Variants in THRB observed in about 807,000 individuals in gnomAD.
THRB encodes thyroid hormone receptor beta.
Under a neutral mutation model 47.8 loss-of-function variants are expected in THRB, and 12 were observed. The ratio of observed to expected loss-of-function variants is 0.25; its 90% CI spans 0.16 to 0.41. The LOEUF (loss-of-function observed/expected upper bound fraction) is 0.41. THRB is among the 10% of genes least tolerant of loss of function. THRB has a pLI of 1.00. For synonymous variants in THRB, 218 were observed against 212.2 expected (o/e 1.03, Z -0.24); for missense variants, 348 against 589.2 (o/e 0.59, Z 4.24).
chr3:24,175,030 C>T (rs1171450708), intron 5 of THRB, among the ~76,000 whole-genome samples: 2 of 152,270 alleles, frequency 1.3e-5, no homozygotes, highest in East Asian at 1.9e-4. Flanking sequence ...AGTGATTCTT[C>T]GTGGTTTGTC....
intron 5 of THRB, among the ~76,000 whole-genome samples, chr3:24,170,949 C>A (rs1332254992): frequency 6.6e-6 from 1 of 152,026 alleles, no homozygotes; most frequent in African/African-American, 2.4e-5. Context: ...TGTCTAAAAT[C>A]GATCCAGTTT....
At chr3:24,146,207 A>G (rs933298251) in intron 7 of THRB, among the ~76,000 whole-genome samples, 1 of 152,206 alleles carries the variant, frequency 6.6e-6, no homozygotes, top group Non-Finnish European at 1.5e-5. Flanking sequence ...CCAGCGCCCC[A>G]TCTCCAAAAA....
intron 2 of THRB, among the ~76,000 whole-genome samples, chr3:24,315,380 G>C (rs942314669): frequency 6.6e-6 from 1 of 152,204 alleles, no homozygotes; most frequent in African/African-American, 2.4e-5. Context: ...GGGACCCAAA[G>C]CCACGTCCTG....
At chr3:24,269,097 T>C (rs1452443134) in intron 3 of THRB, among the ~76,000 whole-genome samples, 1 of 152,162 alleles carries the variant, frequency 6.6e-6, no homozygotes, top group Non-Finnish European at 1.5e-5. Context: ...ATGACCAACA[T>C]ATTGCTTCAG....
chr3:24,478,925 G>T (rs1025929869), intron 1 of THRB, among the ~76,000 whole-genome samples: 6 of 152,114 alleles, frequency 3.9e-5, no homozygotes, highest in African/African-American at 1.4e-4. Flanking sequence ...AGAAATTTTT[G>T]ATTGTCATAA....
In THRB at chr3:24,438,506, GGT is replaced by G. The variant is rs145050133; in HGVS notation, c.-261+56144_-261+56145del. On this transcript the variant is annotated intron_variant, in intron 1 of 10. Transcript: ENST00000646209. Reference sequence around the variant, plus strand: ...ATGCCATTGTCAGAGAGAACAAAAAGGTGTGTGTGTGTGTGTGTGTGTGTGTG... The same window carrying G: ...ATGCCATTGTCAGAGAGAACAAAAAGGTGTGTGTGTGTGTGTGTGTGTGTG... Among the ~76,000 whole-genome samples the G allele has an allele frequency of 8.5e-3, 1,241 of 145,874 alleles. 20 individuals carry two copies. Among genetic ancestry groups the G allele is most frequent in the African/African-American group, 0.024 (970 of 39,878 alleles).
intron 4 of THRB, among the ~76,000 whole-genome samples, chr3:24,203,790 A>G (rs556883876): frequency 1.3e-5 from 2 of 152,218 alleles, no homozygotes; most frequent in Non-Finnish European, 2.9e-5. Flanking sequence ...CACCTGGAAA[A>G]TCAGATCACT....
intron 2 of THRB, among the ~76,000 whole-genome samples, chr3:24,299,798 T>TTTTTTG (rs1267797410): frequency 7.9e-6 from 1 of 126,758 alleles, no homozygotes; most frequent in African/African-American, 2.9e-5. Context: ...TATTTTTTTT[T>TTTTTTG]TTTTAGCAAA....
At chr3:24,140,181 A>T (rs568167842) in intron 8 of THRB, among the ~76,000 whole-genome samples, 20 of 152,354 alleles carry the variant, frequency 1.3e-4, no homozygotes, top group Non-Finnish European at 2.8e-4. Flanking sequence ...ATATGTAAAT[A>T]TGTAAACTGG....
intron 2 of THRB, among the ~76,000 whole-genome samples, chr3:24,332,193 C>T (rs1186122284): frequency 6.6e-6 from 1 of 152,088 alleles, no homozygotes; most frequent in African/African-American, 2.4e-5. Flanking sequence ...TTTTTCTACC[C>T]CTCCCCCATT....
intron 5 of THRB, chr3:24,165,287 G>T (rs769485410): frequency 5.2e-6 from 4 of 764,878 alleles, no homozygotes; most frequent in Admixed American, 3.4e-5. Context: ...ATAATCAGTG[G>T]ACTGCATGTA....
At chr3:24,466,440 C>T (rs183332350) in intron 1 of THRB, among the ~76,000 whole-genome samples, 3 of 152,214 alleles carry the variant, frequency 2.0e-5, no homozygotes, top group African/African-American at 7.2e-5. Flanking sequence ...TTCAAACTAC[C>T]ACCTGGAGAG....
At chr3:24,370,830 A>C (rs1468916767) in intron 1 of THRB, among the ~76,000 whole-genome samples, 1 of 152,134 alleles carries the variant, frequency 6.6e-6, no homozygotes, top group Non-Finnish European at 1.5e-5. Flanking sequence ...CTCCAGCTTC[A>C]CTACAATGGC....
intron 2 of THRB, among the ~76,000 whole-genome samples, chr3:24,321,438 T>C (rs969836994): frequency 6.6e-6 from 1 of 152,196 alleles, no homozygotes; most frequent in Non-Finnish European, 1.5e-5. Context: ...ATGATACATT[T>C]TTCATTTATA....
At chr3:24,358,341 T>C (rs969015304) in intron 1 of THRB, among the ~76,000 whole-genome samples, 2 of 152,180 alleles carry the variant, frequency 1.3e-5, no homozygotes, top group African/African-American at 4.8e-5. Context: ...GTTTTGTGTC[T>C]TGCTTAGAAA....
At chr3:24,179,723 G>A (rs1431784804) in intron 5 of THRB, among the ~76,000 whole-genome samples, 3 of 152,080 alleles carry the variant, frequency 2.0e-5, no homozygotes, top group Non-Finnish European at 2.9e-5. Context: ...AATAAAACAA[G>A]TAATAACAAA....
intron 8 of THRB, 105 bp downstream of exon 8, chr3:24,143,396 A>G: frequency 8.7e-7 from 1 of 1,146,594 alleles, no homozygotes; most frequent in Non-Finnish European, 1.3e-6. Flanking sequence ...CCCTATCAGT[A>G]AAATGAGGCA....
chr3:24,377,147 G>A (rs1445523531), intron 1 of THRB, among the ~76,000 whole-genome samples: 1 of 151,936 alleles, frequency 6.6e-6, no homozygotes, highest in Non-Finnish European at 1.5e-5. Flanking sequence ...GTCTTACTTT[G>A]TTGCCCAGGC....
intron 1 of THRB, among the ~76,000 whole-genome samples, chr3:24,342,784 C>G (rs1369245971): frequency 6.6e-6 from 1 of 152,052 alleles, no homozygotes; most frequent in Non-Finnish European, 1.5e-5. Context: ...GATACAGGGC[C>G]TGAAGGTTAG....
Sources: allele counts gnomAD v4.1 joint callset (sites outside exome capture counted in the v4.1 genomes callset), GRCh38; gene constraint gnomAD v4.1.1; transcripts MANE v1.5; gene names NCBI Gene and HGNC (gene_info 2026-07-23, HGNC 2026-07-21).